Variants in ZNF385D observed in about 807,000 individuals in gnomAD.
ZNF385D encodes zinc finger protein 385D.
ZNF385D carries 15 observed loss-of-function variants against 35.8 expected under a neutral mutation model. That is an observed-to-expected ratio of 0.42 (90% CI 0.28 to 0.64). The LOEUF (loss-of-function observed/expected upper bound fraction) is 0.64, where lower values mean the gene tolerates loss of function less well. Ranked by LOEUF, ZNF385D falls within the 30% of genes least tolerant of loss-of-function variation. ZNF385D has a pLI of 0.23. For synonymous variants in ZNF385D, 212 were observed against 186.8 expected (o/e 1.13, Z -1.10); for missense variants, 474 against 494.6 (o/e 0.96, Z 0.39).
chr3:21,500,782 A>G (rs1706301439), intron 4 of ZNF385D, among the ~76,000 whole-genome samples: 1 of 152,176 alleles, frequency 6.6e-6, no homozygotes, highest in Non-Finnish European at 1.5e-5. Flanking sequence ...CTAAGAAATT[A>G]TTTTAGGCAG....
Position 21,421,445 on chromosome 3 carries a change from T to G in ZNF385D, c.957A>C (p.Val319=). 1.2e-6 allele frequency: 2 copies of G among 1,608,028 alleles called. No individual in the cohort carries two copies. Among genetic ancestry groups the G allele is most frequent in the Non-Finnish European group, 1.7e-6 (2 of 1,175,468 alleles). The part of the protein sequence containing the change: ...KLQKTAHPLG[V]KLVFSKEPSK... The stretch of plus-strand genomic sequence containing the variant: ...AAGGTTCTTTTGAAAATACTAATTT[T>G]ACCTGCAAGGGAGAAAAAATATTGT... The change falls in exon 8 of 8, where the codon GTA becomes GTC. Residue 319 remains valine (V), a splice_region_variant and synonymous_variant. Coordinates refer to ENST00000281523, the MANE Select transcript of ZNF385D (RefSeq NM_024697.3).
rs451242 is a variant in ZNF385D, at chr3:21,421,262, A to G, written c.1140T>C (p.Pro380=). The change falls in exon 8 of 8, where the codon CCT becomes CCC. Residue 380 remains proline, a synonymous_variant. Coordinates refer to ENST00000281523, the MANE Select transcript of ZNF385D (RefSeq NM_024697.3). ...ALPPALLRPA[P]GPIRTAHTPV... ...GAGTGTGGGCGGTCCGAATGGGTCC[A>G]GGAGCTGGCCGCAGGAGTGCCGGAG... 1,233,950 of 1,613,702 alleles carry G rather than the reference A, an allele frequency of 0.76. 473,073 individuals are homozygous for G. Among genetic ancestry groups the G allele is most frequent in the East Asian group, 0.9 (40,581 of 44,862 alleles).
chr3:21,835,073 T>C (rs1321948339), intron 3 of ZNF385D, among the ~76,000 whole-genome samples: 1 of 152,162 alleles, frequency 6.6e-6, no homozygotes, highest in African/African-American at 2.4e-5. Flanking sequence ...ATAAACTCAC[T>C]TGTTTATTGG....
intron 3 of ZNF385D, among the ~76,000 whole-genome samples, chr3:22,087,852 C>CAA (rs1433920635): frequency 2.6e-5 from 4 of 152,044 alleles, no homozygotes; most frequent in African/African-American, 9.7e-5. Context: ...AATGATTATC[C>CAA]AAAAGCCTGT....
chr3:22,017,695 C>T (rs532172426), intron 3 of ZNF385D, among the ~76,000 whole-genome samples: 21 of 152,004 alleles, frequency 1.4e-4, no homozygotes, highest in African/African-American at 5.1e-4. Context: ...AAGTGGTTCA[C>T]TTGGCAGCAA....
rs932491651 is a variant in ZNF385D, at chr3:21,465,903, C to T, written c.440-28700G>A. On this transcript the variant is annotated intron_variant, in intron 4 of 7. Coordinates refer to ENST00000281523, the MANE Select transcript of ZNF385D (RefSeq NM_024697.3). The surrounding 1 kb of genome is among the most constrained non-coding windows in gnomAD (Gnocchi z 4.2). ...TCACACCTCAGGATACAGGAGCTGC[C>T]GTGAGCACAAATAGAGATGCTCTTC... Among the ~76,000 whole-genome samples, 4 of 152,082 alleles carry T rather than the reference C, an allele frequency of 2.6e-5. No individual in the cohort carries two copies. The highest frequency in any genetic ancestry group is 1.9e-4 in the East Asian group (1 of 5,186).
chr3:21,487,226 T>C (rs1169762299), intron 4 of ZNF385D, among the ~76,000 whole-genome samples: 4 of 152,132 alleles, frequency 2.6e-5, no homozygotes, highest in African/African-American at 2.4e-5. Flanking sequence ...CAGTGTTTTT[T>C]CTAACTCTTT....
chr3:22,287,863 CAT>C (rs761854158), intron 2 of ZNF385D, among the ~76,000 whole-genome samples: 34 of 152,072 alleles, frequency 2.2e-4, no homozygotes, highest in Admixed American at 3.9e-4. Context: ...TATACATTCA[CAT>C]GTTTTCTTTT....
rs941421813 is a variant in ZNF385D at position 22,237,892 on chromosome 3, A to G, written c.107-68857T>C. On this transcript the variant is annotated intron_variant, in intron 2 of 5. Transcript: ENST00000494108. ...CTCCTGATCTTGTGATCTGCCCGCCACAACCTCCCAAAGTGCTGGCATTAC... is the reference window on the plus strand; with the variant it reads ...CTCCTGATCTTGTGATCTGCCCGCCGCAACCTCCCAAAGTGCTGGCATTAC... 3.3e-5 allele frequency among the ~76,000 whole-genome samples: 5 copies of G among 149,334 alleles called. 1 individual carries two copies. Among genetic ancestry groups the G allele is most frequent in the African/African-American group, 1.3e-4 (5 of 39,996 alleles).
chr3:22,364,588 A>AC (rs1331434242), intron 2 of ZNF385D, among the ~76,000 whole-genome samples: 2 of 152,236 alleles, frequency 1.3e-5, no homozygotes, highest in Non-Finnish European at 2.9e-5. Context: ...CTATAAAAAA[A>AC]ATAGAAAATA....
At chr3:21,995,685 G>A (rs543595213) in intron 3 of ZNF385D, among the ~76,000 whole-genome samples, 6 of 151,858 alleles carry the variant, frequency 4.0e-5, no homozygotes, top group East Asian at 2.0e-4. Context: ...AAGCAGTGGC[G>A]GTTACAGTGG....
At chr3:22,335,225 TAAAC>T (rs1230695308) in intron 2 of ZNF385D, among the ~76,000 whole-genome samples, 2 of 152,164 alleles carry the variant, frequency 1.3e-5, no homozygotes, top group Non-Finnish European at 2.9e-5. Context: ...TCTGCTAACA[TAAAC>T]AATTTAAACA....
intron 3 of ZNF385D, among the ~76,000 whole-genome samples, chr3:21,797,878 A>C (rs1381208192): frequency 6.6e-6 from 1 of 152,196 alleles, no homozygotes; most frequent in Non-Finnish European, 1.5e-5. Flanking sequence ...CAGAACACAG[A>C]GATTGTTTAG....
intron 3 of ZNF385D, among the ~76,000 whole-genome samples, chr3:21,987,644 G>C: frequency 7.1e-6 from 1 of 139,896 alleles, no homozygotes; most frequent in East Asian, 2.0e-4. Context: ...ACAATTATGT[G>C]TCTTGGAGTT....
chr3:21,720,526 C>G (rs932406693), intron 1 of ZNF385D, among the ~76,000 whole-genome samples: 1 of 152,140 alleles, frequency 6.6e-6, no homozygotes, highest in African/African-American at 2.4e-5. Context: ...TGCACTGGAG[C>G]CTGGGCAACA....
At chr3:21,672,599 C>T (rs2035749) in intron 1 of ZNF385D, among the ~76,000 whole-genome samples, 6,351 of 152,128 alleles carry the variant, frequency 0.042, 179 homozygotes, top group South Asian at 0.088. Flanking sequence ...GTCAGTGATT[C>T]GATCTTTTCC....
At chr3:22,152,722 C>CA (rs1159848970) in intron 3 of ZNF385D, among the ~76,000 whole-genome samples, 2 of 152,184 alleles carry the variant, frequency 1.3e-5, no homozygotes, top group African/African-American at 4.8e-5. Flanking sequence ...CTCTTCATCT[C>CA]AAGACCATGA....
At chr3:22,031,232 C>T (rs1697980905) in intron 3 of ZNF385D, among the ~76,000 whole-genome samples, 1 of 152,238 alleles carries the variant, frequency 6.6e-6, no homozygotes, top group African/African-American at 2.4e-5. Context: ...TTTCTCACGG[C>T]TCTTCTAGGC....
intron 5 of ZNF385D, among the ~76,000 whole-genome samples, chr3:21,428,568 C>A (rs1044489406): frequency 6.6e-6 from 1 of 152,094 alleles, no homozygotes; most frequent in Non-Finnish European, 1.5e-5. Context: ...CCCCGCACCC[C>A]CACCCCCTGC....
Sources: allele counts gnomAD v4.1 joint callset (sites outside exome capture counted in the v4.1 genomes callset), GRCh38; gene constraint gnomAD v4.1.1; non-coding constraint Gnocchi (gnomAD v3.1); transcripts MANE v1.5; gene names NCBI Gene and HGNC (gene_info 2026-07-23, HGNC 2026-07-21).